PRKCE: variants seen among roughly 807,000 people sequenced by gnomAD.
The protein encoded by PRKCE is protein kinase C epsilon type.
Under a neutral mutation model 85.4 loss-of-function variants are expected in PRKCE, and 16 were observed. The observed-to-expected ratio is 0.19, with a 90% CI of 0.13 to 0.28. PRKCE has a LOEUF of 0.28. Ranked by LOEUF, PRKCE falls within the 10% of genes least tolerant of loss-of-function variation. The probability of loss-of-function intolerance (pLI) is 1.00; values close to 1 mark genes in which losing one functional copy is unlikely to be tolerated. For synonymous variants in PRKCE, 388 were observed against 371.5 expected, an observed-to-expected ratio of 1.04 and a Z score of -0.51; for missense variants, 573 against 975.2, an observed-to-expected ratio of 0.59 and a Z score of 5.49.
intron 3 of PRKCE, among the ~76,000 whole-genome samples, chr2:45,976,870 TG>T: frequency 7.0e-6 from 1 of 143,768 alleles, no homozygotes; most frequent in Non-Finnish European, 1.5e-5. Context: ...TGTGTGTGTG[TG>T]TGTGTGTGTG....
chr2:46,149,403 A>G (rs1463361802), intron 12 of PRKCE, among the ~76,000 whole-genome samples: 1 of 152,030 alleles, frequency 6.6e-6, no homozygotes, highest in Non-Finnish European at 1.5e-5. Flanking sequence ...AGAATTATGG[A>G]CCTGGATAGG....
intron 1 of PRKCE, among the ~76,000 whole-genome samples, chr2:45,764,159 TAAG>T (rs563193381): frequency 2.0e-3 from 304 of 152,314 alleles, no homozygotes; most frequent in African/African-American, 6.9e-3. Flanking sequence ...CCTCCCACAA[TAAG>T]AAGAATTGTT....
At chr2:46,000,260 G>C (rs775475818) in intron 6 of PRKCE, among the ~76,000 whole-genome samples, 2 of 151,458 alleles carry the variant, frequency 1.3e-5, no homozygotes, top group African/African-American at 2.4e-5. Context: ...TGTGAGTAAC[G>C]TGTGGAGGGA....
chr2:45,663,835 A>C (rs1018515795), intron 1 of PRKCE, among the ~76,000 whole-genome samples: 5 of 152,160 alleles, frequency 3.3e-5, no homozygotes, highest in Non-Finnish European at 7.4e-5. Flanking sequence ...TTGTGTTATG[A>C]GGGCAGTCAG....
intron 1 of PRKCE, among the ~76,000 whole-genome samples, chr2:45,653,687 A>G (rs1447377156): frequency 6.6e-6 from 1 of 152,140 alleles, no homozygotes; most frequent in Non-Finnish European, 1.5e-5. Context: ...TTTAGGGAAA[A>G]ATAAGAGAGA....
chr2:46,181,934 G>A (rs561803270), intron 14 of PRKCE, among the ~76,000 whole-genome samples: 7 of 152,218 alleles, frequency 4.6e-5, no homozygotes, highest in African/African-American at 7.2e-5. Context: ...CTGCCTACAC[G>A]CCTTGTACAG....
intron 1 of PRKCE, among the ~76,000 whole-genome samples, chr2:45,688,473 C>T (rs1454723299): frequency 1.4e-4 from 22 of 152,086 alleles, no homozygotes; most frequent in Non-Finnish European, 8.8e-5. Flanking sequence ...CCAAAACAAA[C>T]TCTAATAAAA....
chr2:45,951,982 G>A (rs1371745919), intron 2 of PRKCE, among the ~76,000 whole-genome samples: 2 of 152,186 alleles, frequency 1.3e-5, no homozygotes, highest in East Asian at 1.9e-4. Flanking sequence ...ACAGGCATGT[G>A]CCACCACATC....
intron 1 of PRKCE, among the ~76,000 whole-genome samples, chr2:45,728,039 C>T (rs1681233642): frequency 6.6e-6 from 1 of 152,208 alleles, no homozygotes; most frequent in South Asian, 2.1e-4. Context: ...GGGAGATGGT[C>T]TCTTGAGTAA....
intron 1 of PRKCE, among the ~76,000 whole-genome samples, chr2:45,832,145 C>G (rs976886166): frequency 2.6e-5 from 4 of 152,046 alleles, no homozygotes; most frequent in Admixed American, 2.6e-4. Context: ...CAGGAATATT[C>G]CCCGGAGAGC....
chr2:46,147,504 C>G (rs1676188411), intron 12 of PRKCE, among the ~76,000 whole-genome samples: 1 of 152,238 alleles, frequency 6.6e-6, no homozygotes, highest in Non-Finnish European at 1.5e-5. Flanking sequence ...ATTGGTGAGA[C>G]TCACAATGAA....
intron 1 of PRKCE, among the ~76,000 whole-genome samples, chr2:45,733,430 C>T (rs1463418271): frequency 1.3e-5 from 2 of 152,122 alleles, no homozygotes; most frequent in Non-Finnish European, 2.9e-5. Flanking sequence ...CAAGGGAAGA[C>T]AAATAATACG....
Position 45,928,870 on chromosome 2 carries a change from A to G in PRKCE, c.413-47559A>G, listed in dbSNP as rs1698827717. Among the ~76,000 whole-genome samples the G allele has an allele frequency of 2.0e-5, 3 of 152,220 alleles. No homozygotes were observed. In the South Asian group the frequency reaches 6.2e-4, roughly 32 times the overall value. On this transcript the variant is annotated intron_variant, in intron 2 of 14. Coordinates refer to ENST00000306156, the MANE Select transcript of PRKCE (RefSeq NM_005400.3). Reference sequence around the variant, plus strand: ...AATTAGACTATTCTGCAGCTGATGGAGCACCTGGAGCCTTTTGTACCCCGA... The same window carrying G: ...AATTAGACTATTCTGCAGCTGATGGGGCACCTGGAGCCTTTTGTACCCCGA...
intron 1 of PRKCE, among the ~76,000 whole-genome samples, chr2:45,731,554 G>T (rs1287015698): frequency 2.0e-5 from 3 of 151,754 alleles, no homozygotes; most frequent in Non-Finnish European, 4.4e-5. Flanking sequence ...AAGTGTCTTG[G>T]ATTTTGTAGT....
At chr2:45,831,930 A>G (rs1690456050) in intron 1 of PRKCE, among the ~76,000 whole-genome samples, 1 of 152,194 alleles carries the variant, frequency 6.6e-6, no homozygotes, top group South Asian at 2.1e-4. Context: ...CTAATTTGAT[A>G]AGCAAAAGAA....
At chr2:46,179,061 A>G (rs1661981970) in intron 14 of PRKCE, among the ~76,000 whole-genome samples, 1 of 152,098 alleles carries the variant, frequency 6.6e-6, no homozygotes, top group Non-Finnish European at 1.5e-5. Flanking sequence ...TGGGGTCACT[A>G]TGCTACTTGT....
At chr2:45,793,918 C>T (rs763904874) in intron 1 of PRKCE, among the ~76,000 whole-genome samples, 5 of 151,834 alleles carry the variant, frequency 3.3e-5, no homozygotes, top group Non-Finnish European at 5.9e-5. Context: ...TTGCTTGGTT[C>T]GGATTGGTTC....
intron 2 of PRKCE, among the ~76,000 whole-genome samples, chr2:45,950,709 G>A: frequency 6.6e-6 from 1 of 152,218 alleles, no homozygotes; most frequent in East Asian, 1.9e-4. Flanking sequence ...GCGAGAGATG[G>A]ATATCAAGGG....
chr2:45,813,083 G>C (rs532232944), intron 1 of PRKCE, among the ~76,000 whole-genome samples: 1 of 152,242 alleles, frequency 6.6e-6, no homozygotes, highest in East Asian at 1.9e-4. Context: ...GCTTTGTTTG[G>C]GATGGAGAGA....
Sources: allele counts gnomAD v4.1 joint callset (sites outside exome capture counted in the v4.1 genomes callset), GRCh38; gene constraint gnomAD v4.1.1; transcripts MANE v1.5; gene names NCBI Gene and HGNC (gene_info 2026-07-23, HGNC 2026-07-21).